LRRC36: variants seen among roughly 807,000 people sequenced by gnomAD.
LRRC36 encodes the protein leucine rich repeat containing 36, also known as leucine-rich repeat-containing protein 36.
Under a neutral mutation model 81.1 loss-of-function variants are expected in LRRC36, and 62 were observed. The observed-to-expected ratio is 0.76, with a 90% CI of 0.62 to 0.94. The LOEUF (loss-of-function observed/expected upper bound fraction) is 0.94. LRRC36 is among the 40% of genes least tolerant of loss of function. The pLI is 0.00. For synonymous variants in LRRC36, 334 were observed against 348.6 expected, an observed-to-expected ratio of 0.96 and a Z score of 0.47; for missense variants, 761 against 881.7, an observed-to-expected ratio of 0.86 and a Z score of 1.73.
At chr16:67,376,102 G>T (rs1396760583) in intron 10 of LRRC36, among the ~76,000 whole-genome samples, 1 of 152,180 alleles carries the variant, frequency 6.6e-6, no homozygotes, top group Non-Finnish European at 1.5e-5. Flanking sequence ...GAGGTCAGGA[G>T]TTCGACACCA....
chr16:67,372,409 C>A (rs527963245), intron 9 of LRRC36, among the ~76,000 whole-genome samples: 1 of 151,996 alleles, frequency 6.6e-6, no homozygotes, highest in Non-Finnish European at 1.5e-5. Context: ...TAGTGTCATA[C>A]AATAAAACTT....
rs139632485 is a variant in LRRC36, at chr16:67,360,407, AG to A, written c.578-3181del. 3.9e-3 allele frequency among the ~76,000 whole-genome samples: 601 copies of A among 152,354 alleles called. 1 individual carries two copies. The highest frequency in any genetic ancestry group is 0.014 in the African/African-American group (583 of 41,594). ...GCATATGTGCTGTGGGAGGAAAAACAGGCTGGAGCAGGGTCTTGAACACCTG... is the reference window on the plus strand; with the variant it reads ...GCATATGTGCTGTGGGAGGAAAAACAGCTGGAGCAGGGTCTTGAACACCTG... On this transcript the variant is annotated intron_variant, in intron 5 of 13. Transcript: ENST00000329956.
chr16:67,371,202 T>A lies in LRRC36; in HGVS notation c.1454T>A (p.Leu485Gln). ...FKWKDNILANLNLKHGFQDAT... is the reference protein window; with the variant it reads ...FKWKDNILANQNLKHGFQDAT... ...TGGAAGGACAATATCCTTGCCAACC[T>A]GAATCTAAAGCATGGTTTCCAAGAT... is the stretch of plus-strand genomic sequence containing the variant. Residue 485 changes from leucine to glutamine, a missense_variant, in exon 9 of 14, where the codon CTG becomes CAG. This residue lies in a region of LRRC36 where 359 missense variants were observed against 388.4 expected (regional missense o/e 0.92). Transcript: ENST00000329956. The A allele has an allele frequency of 6.2e-7, 1 of 1,614,196 alleles. No homozygotes were observed. Among genetic ancestry groups the A allele is most frequent in the Non-Finnish European group, 8.5e-7 (1 of 1,180,032 alleles).
In LRRC36 at chr16:67,326,886, C is replaced by A. The variant is rs759610783; in HGVS notation, c.24C>A (p.Asp8Glu). The A allele has an allele frequency of 1.1e-5, 16 of 1,461,560 alleles. No homozygotes were observed. The highest frequency in any genetic ancestry group is 3.0e-5 in the East Asian group (1 of 33,784). 90.5% of individuals were successfully genotyped at this position (1,461,560 alleles called of 1,614,324 possible). A position where few individuals can be genotyped will look rare whatever the true frequency, so the allele number is the denominator to read the frequency against. MAEQWEL[D>E]EEGIRRLGAL... ...GGATGGCGGAGCAATGGGAGCTGGACGAGGAAGGCATTCGCCGCCTGGGGG... is the reference window on the plus strand; with the variant it reads ...GGATGGCGGAGCAATGGGAGCTGGAAGAGGAAGGCATTCGCCGCCTGGGGG... Residue 8 changes from aspartate to glutamate, a missense_variant, in exon 1 of 14, where the codon GAC (aspartate) becomes GAA (glutamate). By Grantham distance (45) the Asp-to-Glu change is conservative (BLOSUM62 2). Transcript: ENST00000329956.
chr16:67,329,877 C>A (rs570432556), intron 1 of LRRC36, among the ~76,000 whole-genome samples: 1 of 152,246 alleles, frequency 6.6e-6, no homozygotes, highest in Non-Finnish European at 1.5e-5. Context: ...GAGATCGCGT[C>A]ACTGCACTCC....
At chr16:67,351,686 G>A (rs1378232297) in intron 5 of LRRC36, among the ~76,000 whole-genome samples, 2 of 152,160 alleles carry the variant, frequency 1.3e-5, no homozygotes, top group Non-Finnish European at 2.9e-5. Context: ...TAGCCTGAGC[G>A]ACAGAGTGAG....
chr16:67,353,073 C>T (rs16957337), intron 5 of LRRC36, among the ~76,000 whole-genome samples: 4,168 of 152,240 alleles, frequency 0.027, 61 homozygotes, highest in South Asian at 0.031. Flanking sequence ...TGGTCTCTCT[C>T]TGCACCAGGC....
At position 67,360,948 on chromosome 16, in the gene LRRC36, C is replaced by A. The variant is rs558355927; in HGVS notation, c.578-2642C>A. Among the ~76,000 whole-genome samples the A allele has an allele frequency of 1.0e-3, 155 of 152,216 alleles. 1 individual carries two copies. Among genetic ancestry groups the A allele is most frequent in the Non-Finnish European group, 2.0e-3 (135 of 68,016 alleles). ...AACTCTTGTTTTCATTCAAGTCCCC[C>A]CAGAAGACCTCAAATCCCAGAATTA... On this transcript the variant is annotated intron_variant, in intron 5 of 13. Coordinates refer to ENST00000329956, the MANE Select transcript of LRRC36 (RefSeq NM_018296.6).
intron 1 of LRRC36, among the ~76,000 whole-genome samples, chr16:67,328,086 C>CAGAACAGGA: frequency 6.6e-6 from 1 of 152,032 alleles, no homozygotes; most frequent in East Asian, 1.9e-4. Context: ...CAGTCAAGAA[C>CAGAACAGGA]AGAACAGGAA....
chr16:67,357,260 G>T (rs2038943068), intron 5 of LRRC36, among the ~76,000 whole-genome samples: 1 of 152,078 alleles, frequency 6.6e-6, no homozygotes, highest in Admixed American at 6.6e-5. Flanking sequence ...AAAATACAAG[G>T]TTACTAAGAT....
In LRRC36 at chr16:67,346,295, T is replaced by A; in HGVS notation, c.238T>A (p.Tyr80Asn). Residue 80 changes from tyrosine (Y) to asparagine (N), a missense_variant, in exon 3 of 14, where the codon TAT (tyrosine) becomes AAT (asparagine). Physicochemically the swap from Tyr to Asn is moderately radical, Grantham distance 143 (BLOSUM62 -2). This residue lies in a region of LRRC36 where 263 missense variants were observed against 279.3 expected (regional missense o/e 0.94). Transcript: ENST00000329956. ...ATGTTCACTCCAAGACCTGAATTTA[T>A]ATTATAACAACATTCCTTCATTAGT... ...YLCSLQDLNL[Y>N]YNNIPSLVEV... is the part of the protein sequence containing the mutation. The A allele has an allele frequency of 6.2e-7, 1 of 1,610,034 alleles. No individual in the cohort carries two copies. Among genetic ancestry groups the A allele is most frequent in the South Asian group, 1.1e-5 (1 of 90,508 alleles).
At chr16:67,378,938 A>T (rs2040013763) in intron 12 of LRRC36, among the ~76,000 whole-genome samples, 1 of 152,194 alleles carries the variant, frequency 6.6e-6, no homozygotes, top group African/African-American at 2.4e-5. Flanking sequence ...AGCATGTACA[A>T]ATGTTGTTAC....
chr16:67,339,982 A>C (rs1403044697), intron 1 of LRRC36, among the ~76,000 whole-genome samples: 3 of 152,004 alleles, frequency 2.0e-5, no homozygotes, highest in African/African-American at 7.3e-5. Flanking sequence ...GTCTCTACTG[A>C]AAGTACAAAA....
At chr16:67,377,242 G>A (rs1057461352) in intron 11 of LRRC36, among the ~76,000 whole-genome samples, 4 of 152,216 alleles carry the variant, frequency 2.6e-5, no homozygotes, top group African/African-American at 7.2e-5. Context: ...TGAACCAGGG[G>A]CTAAGGGCCA....
intron 7 of LRRC36, 88 bp downstream of exon 7, chr16:67,365,443 A>G: frequency 1.8e-6 from 2 of 1,140,898 alleles, no homozygotes; most frequent in East Asian, 2.4e-5. Context: ...AGATGTCTCA[A>G]TATGGGGGCC....
rs537486527 is a variant in LRRC36 at position 67,382,750 on chromosome 16, G to A, written c.2045+503G>A. On this transcript the variant is annotated intron_variant, in intron 13 of 13. Coordinates refer to ENST00000329956, the MANE Select transcript of LRRC36 (RefSeq NM_018296.6). ...TGTAATCCCAGCACTTTGGGAGGCC[G>A]AGGCAGGTGGATCACGAGGTCAAGA... 1.9e-3 allele frequency among the ~76,000 whole-genome samples: 285 copies of A among 152,230 alleles called. 1 individual carries two copies. The highest frequency in any genetic ancestry group is 6.5e-3 in the African/African-American group (269 of 41,548).
At chr16:67,381,507 A>G (rs1046392538) in intron 12 of LRRC36, among the ~76,000 whole-genome samples, 1 of 152,224 alleles carries the variant, frequency 6.6e-6, no homozygotes, top group Non-Finnish European at 1.5e-5. Flanking sequence ...CCCAATATCT[A>G]TTGACTGCCT....
At chr16:67,371,285 G>A in intron 9 of LRRC36, 43 bp downstream of exon 9, 1 of 1,609,408 alleles carries the variant, frequency 6.2e-7, no homozygotes. Flanking sequence ...AACAGGTCAG[G>A]TTCGAGACCA....
intron 6 of LRRC36, among the ~76,000 whole-genome samples, chr16:67,364,228 G>T (rs2142094770): frequency 6.6e-6 from 1 of 152,320 alleles, no homozygotes; most frequent in Middle Eastern, 3.4e-3. Context: ...CATGCAAGAT[G>T]GGGGAGGAGT....
Sources: allele counts gnomAD v4.1 joint callset (sites outside exome capture counted in the v4.1 genomes callset), GRCh38; gene constraint gnomAD v4.1.1; regional missense constraint gnomAD v4.1.1; transcripts MANE v1.5; gene names NCBI Gene and HGNC (gene_info 2026-07-23, HGNC 2026-07-21).